The following ZNF407 variants were observed in gnomAD, a reference collection of about 807,000 sequenced individuals.
The protein encoded by ZNF407 is zinc finger protein 407.
A neutral mutation model predicts 131.2 loss-of-function variants in ZNF407; 17 were observed. The observed-to-expected ratio is 0.13, with a 90% confidence interval of 0.09 to 0.19. The LOEUF (loss-of-function observed/expected upper bound fraction) is 0.19, where lower values mean the gene tolerates loss of function less well. Ranked by LOEUF, ZNF407 falls within the 10% of genes least tolerant of loss-of-function variation. The probability of loss-of-function intolerance (pLI) is 1.00; values close to 1 mark genes in which losing one functional copy is unlikely to be tolerated. For synonymous variants in ZNF407, 1,156 were observed against 1,062.0 expected (o/e 1.09, Z -1.72); for missense variants, 2,681 against 2,830.6 (o/e 0.95, Z 1.20).
In ZNF407 at chr18:75,063,113, CT is replaced by C; in HGVS notation, c.5429-32del. On this transcript the variant is annotated intron_variant, in intron 8 of 8. Coordinates refer to ENST00000299687, the MANE Select transcript of ZNF407 (RefSeq NM_017757.3). This position sits in a 1 kb window ranked among gnomAD's most constrained non-coding sequence, Gnocchi z 6.6. ...TGTCTTACTTGTAAGCCTACGAGTA[CT>C]TTTTCCAGGCTCTAACTGGTCCCTG... 6.6e-7 allele frequency: 1 copy of C among 1,520,800 alleles called. No individual in the cohort carries two copies. Among genetic ancestry groups the C allele is most frequent in the Non-Finnish European group, 8.8e-7 (1 of 1,131,836 alleles). The allele number at this position is 1,520,800 out of a possible 1,614,324, so 94.2% of individuals were successfully genotyped here.
chr18:74,749,088 T>C (rs1289825467), intron 3 of ZNF407, among the ~76,000 whole-genome samples: 1 of 152,142 alleles, frequency 6.6e-6, no homozygotes, highest in Non-Finnish European at 1.5e-5. Flanking sequence ...CTGCTGTCAT[T>C]AGGGGTGGCA....
chr18:74,667,679 C>G (rs1346954580), intron 3 of ZNF407, among the ~76,000 whole-genome samples: 2 of 152,170 alleles, frequency 1.3e-5, no homozygotes, highest in Non-Finnish European at 2.9e-5. Flanking sequence ...ATTGTAAAGC[C>G]CATAGGTCTC....
intron 4 of ZNF407, among the ~76,000 whole-genome samples, chr18:74,858,218 T>C (rs1053185169): frequency 2.8e-5 from 4 of 145,044 alleles, no homozygotes; most frequent in Admixed American, 6.9e-5. Context: ...GCCTTCCTCA[T>C]GACAGAAATA....
intron 3 of ZNF407, among the ~76,000 whole-genome samples, chr18:74,685,359 C>T (rs1214121190): frequency 6.6e-6 from 1 of 152,174 alleles, no homozygotes; most frequent in Non-Finnish European, 1.5e-5. Flanking sequence ...CCCAGCTGCT[C>T]ACCATCTATC....
At chr18:74,996,795 C>G (rs1384163608) in intron 8 of ZNF407, among the ~76,000 whole-genome samples, 1 of 152,184 alleles carries the variant, frequency 6.6e-6, no homozygotes, top group Non-Finnish European at 1.5e-5. Flanking sequence ...ACTTTATTTA[C>G]TAACCAATGA....
At chr18:74,630,659 G>T (rs1984017022) in intron 1 of ZNF407, among the ~76,000 whole-genome samples, 3 of 151,968 alleles carry the variant, frequency 2.0e-5, no homozygotes, top group Middle Eastern at 6.8e-3. Context: ...TTTTAAAAGG[G>T]TAGTAAATTG....
At chr18:74,931,514 C>T (rs1052922445) in intron 8 of ZNF407, among the ~76,000 whole-genome samples, 1 of 152,154 alleles carries the variant, frequency 6.6e-6, no homozygotes, top group African/African-American at 2.4e-5. Flanking sequence ...AATTCCACAG[C>T]TAGGGTTTTT....
chr18:74,998,518 A>AT (rs956537612), intron 8 of ZNF407, among the ~76,000 whole-genome samples: 1 of 152,082 alleles, frequency 6.6e-6, no homozygotes, highest in Non-Finnish European at 1.5e-5. Context: ...TGATGTACAT[A>AT]TTTTTTTCAA....
At chr18:74,928,024 T>C (rs1971936465) in intron 8 of ZNF407, among the ~76,000 whole-genome samples, 4 of 152,154 alleles carry the variant, frequency 2.6e-5, no homozygotes, top group Non-Finnish European at 5.9e-5. Context: ...TGTTTAAAGA[T>C]GTTTATCCTG....
intron 7 of ZNF407, among the ~76,000 whole-genome samples, chr18:74,910,133 T>A (rs1330380083): frequency 6.6e-6 from 1 of 152,130 alleles, no homozygotes; most frequent in Non-Finnish European, 1.5e-5. Context: ...ATATGCTGTA[T>A]CTCAAACTGA....
chr18:74,692,477 C>T (rs1967249236), intron 3 of ZNF407, among the ~76,000 whole-genome samples: 1 of 152,004 alleles, frequency 6.6e-6, no homozygotes, highest in Admixed American at 6.6e-5. Context: ...GGTTGCTGTG[C>T]TAGATTCGTA....
intron 3 of ZNF407, among the ~76,000 whole-genome samples, chr18:74,730,055 G>A (rs557865291): frequency 6.6e-6 from 1 of 152,254 alleles, no homozygotes; most frequent in Admixed American, 6.5e-5. Context: ...TTCAACAAAC[G>A]CCTGTGGAAG....
chr18:74,655,365 T>A (rs565289462), intron 3 of ZNF407, among the ~76,000 whole-genome samples: 1 of 152,198 alleles, frequency 6.6e-6, no homozygotes, highest in East Asian at 1.9e-4. Flanking sequence ...GAACATAATT[T>A]AATCAAGTTA....
intron 3 of ZNF407, among the ~76,000 whole-genome samples, chr18:74,746,788 TA>T (rs1358016859): frequency 3.4e-4 from 48 of 142,848 alleles, no homozygotes; most frequent in Admixed American, 6.3e-4. Flanking sequence ...ACACTTAACT[TA>T]AAAAAAAAAA....
intron 4 of ZNF407, among the ~76,000 whole-genome samples, chr18:74,845,158 C>T (rs1045593152): frequency 4.6e-5 from 7 of 152,182 alleles, no homozygotes; most frequent in Non-Finnish European, 1.0e-4. Context: ...TTTTAGTCAA[C>T]CTTAAATTTC....
chr18:74,918,858 T>C (rs181150709), intron 7 of ZNF407, among the ~76,000 whole-genome samples: 12 of 152,334 alleles, frequency 7.9e-5, no homozygotes, highest in African/African-American at 2.6e-4. Context: ...GTCTTTTTCC[T>C]AGGCATAGAG....
intron 8 of ZNF407, among the ~76,000 whole-genome samples, chr18:75,014,427 A>T (rs1005382650): frequency 6.6e-6 from 1 of 151,836 alleles, no homozygotes; most frequent in East Asian, 1.9e-4. Flanking sequence ...CCCCTTCTTG[A>T]AGGTCAAGCC....
At chr18:74,738,543 A>G (rs1174752418) in intron 3 of ZNF407, among the ~76,000 whole-genome samples, 1 of 144,798 alleles carries the variant, frequency 6.9e-6, no homozygotes, top group African/African-American at 2.9e-5. Flanking sequence ...TTTGAGACCA[A>G]TCTGACCAAC....
At chr18:74,796,705 G>T (rs1031505893) in intron 4 of ZNF407, among the ~76,000 whole-genome samples, 1 of 152,082 alleles carries the variant, frequency 6.6e-6, no homozygotes, top group Non-Finnish European at 1.5e-5. Flanking sequence ...AGTTTATCTA[G>T]TAGGTGACAG....
Sources: gnomAD v4.1 joint callset for allele counts (sites outside exome capture counted in the v4.1 genomes callset) on GRCh38, gnomAD v4.1.1 for gene constraint, Gnocchi (gnomAD v3.1) non-coding constraint, MANE v1.5 for transcripts, NCBI Gene and HGNC (gene_info 2026-07-23, HGNC 2026-07-21) for gene names.